Variants in UQCRC2 observed in about 807,000 individuals in gnomAD.
UQCRC2 encodes the protein ubiquinol-cytochrome c reductase core protein 2, also known as cytochrome b-c1 complex subunit 2, mitochondrial.
In UQCRC2, 49 loss-of-function variants were observed where a neutral mutation model predicts 55.6. That is an observed-to-expected ratio of 0.88 (90% CI 0.70 to 1.12). UQCRC2 has a LOEUF of 1.12. UQCRC2 is among the 50% of genes most tolerant of loss of function. The pLI, the probability that UQCRC2 is intolerant of heterozygous loss-of-function variation, is 0.00. For missense variants in UQCRC2, 506 were observed against 547.8 expected (o/e 0.92, Z 0.76); for synonymous variants, 193 against 192.0 (o/e 1.01, Z -0.04).
At chr16:21,967,023 A>G (rs1191353881) in intron 7 of UQCRC2, among the ~76,000 whole-genome samples, 1 of 152,162 alleles carries the variant, frequency 6.6e-6, no homozygotes, top group Admixed American at 6.5e-5. Context: ...TTTTTTTAAT[A>G]AAAGGTATGT....
intron 12 of UQCRC2, chr16:21,976,468 G>T: frequency 2.4e-6 from 1 of 417,470 alleles, no homozygotes; most frequent in Non-Finnish European, 4.3e-6. Flanking sequence ...AAGGCAGGTG[G>T]TTCATTTGAG....
chr16:21,976,462 C>A (rs1381614017), intron 12 of UQCRC2: 3 of 425,660 alleles, frequency 7.0e-6, no homozygotes, highest in Non-Finnish European at 1.3e-5. Flanking sequence ...GAGGCCAAGG[C>A]AGGTGGTTCA....
At position 21,962,239 on chromosome 16, in the gene UQCRC2, CAT is replaced by C. The variant is rs138409952; in HGVS notation, c.333-220_333-219del. The C allele has an allele frequency of 7.3e-4, 406 of 558,032 alleles. 1 individual carries two copies. The highest frequency in any genetic ancestry group is 6.7e-3 in the African/African-American group (358 of 53,144). The allele number at this position is 558,032 out of a possible 1,614,324, so 34.6% of individuals were successfully genotyped here. A position where few individuals can be genotyped will look rare whatever the true frequency, so the allele number is the denominator to read the frequency against. On this transcript the variant is annotated intron_variant, in intron 4 of 13. Coordinates refer to ENST00000268379, the MANE Select transcript of UQCRC2 (RefSeq NM_003366.4). ...TCCTCAGGGTTCATCTGTGTTGTAA[CAT>C]GTGACCAGATTTCACTCCTTTTAAG...
Position 21,976,173 on chromosome 16 carries a change from A to G in UQCRC2, c.1054A>G (p.Lys352Glu). ...CTTTTCTTATCTGTCCTAGGTTATC[A>G]AGGCTGCCTATAATCAAGTAAAAAC... ...SQATAAGDVI[K>E]AAYNQVKTIA... is the part of the protein sequence containing the mutation. The change falls in exon 12 of 14, where the codon AAG (lysine) becomes GAG (glutamate). Residue 352 changes from lysine to glutamate, a missense_variant. Transcript: ENST00000268379. The G allele has an allele frequency of 3.1e-6, 5 of 1,613,840 alleles. No homozygotes were observed. The highest frequency in any genetic ancestry group is 3.4e-6 in the Non-Finnish European group (4 of 1,179,772).
In UQCRC2 at chr16:21,962,743, T is replaced by C. The variant is rs372624514; in HGVS notation, c.390-18T>C. Reference sequence around the variant, plus strand: ...TTACATTTTTGACTCATAATTCTTATCTCGATGTCTTCTGTAGTGATATTC... The same window carrying C: ...TTACATTTTTGACTCATAATTCTTACCTCGATGTCTTCTGTAGTGATATTC... On this transcript the variant is annotated intron_variant, in intron 5 of 13. Coordinates refer to ENST00000268379, the MANE Select transcript of UQCRC2 (RefSeq NM_003366.4). The C allele has an allele frequency of 6.2e-7, 1 of 1,613,974 alleles. No homozygotes were observed. Among genetic ancestry groups the C allele is most frequent in the Non-Finnish European group, 8.5e-7 (1 of 1,179,914 alleles).
chr16:21,969,449 T>C (rs1440879434), intron 8 of UQCRC2, among the ~76,000 whole-genome samples: 1 of 152,152 alleles, frequency 6.6e-6, no homozygotes, highest in African/African-American at 2.4e-5. Flanking sequence ...GGAGAATCGC[T>C]TGAACCCAGG....
chr16:21,961,203 TGATACAACCACTTAGGAAAGAATCAAG>T (rs1054613053), intron 4 of UQCRC2: 1 of 283,282 alleles, frequency 3.5e-6, no homozygotes, highest in African/African-American at 2.2e-5. Flanking sequence ...GAGTATAAAT[TGATACAACCACTTAGGAAAGAATCAAG>T]GAATATCTGG....
At chr16:21,982,352 G>T (rs540764022) in intron 13 of UQCRC2, among the ~76,000 whole-genome samples, 3 of 152,228 alleles carry the variant, frequency 2.0e-5, no homozygotes, top group African/African-American at 7.2e-5. Flanking sequence ...GAATCCTCTA[G>T]GGTATCAAGT....
chr16:21,959,334 G>A (rs535104000), intron 4 of UQCRC2: 7 of 239,954 alleles, frequency 2.9e-5, no homozygotes, highest in East Asian at 1.4e-4. Context: ...TTATCATTTC[G>A]ACAGTGTTCA....
At chr16:21,975,947 T>G (rs948533652) in intron 11 of UQCRC2, among the ~76,000 whole-genome samples, 4 of 152,118 alleles carry the variant, frequency 2.6e-5, no homozygotes, top group Admixed American at 2.6e-4. Flanking sequence ...AGTCCCAGCT[T>G]CTTGGGAGGC....
intron 4 of UQCRC2, chr16:21,962,206 G>A (rs1567470936): frequency 1.7e-5 from 8 of 476,310 alleles, no homozygotes; most frequent in Admixed American, 6.6e-5. Flanking sequence ...ATTATCCTTA[G>A]CATAATGTCC....
intron 11 of UQCRC2, 48 bp downstream of exon 11, chr16:21,974,024 C>T (rs902421697): frequency 1.4e-5 from 20 of 1,465,724 alleles, no homozygotes; most frequent in Middle Eastern, 1.7e-4. Context: ...GTTATTTCTC[C>T]CCCCCGCCAT....
At chr16:21,975,671 A>C (rs1395061029) in intron 11 of UQCRC2, among the ~76,000 whole-genome samples, 1 of 152,190 alleles carries the variant, frequency 6.6e-6, no homozygotes, top group African/African-American at 2.4e-5. Flanking sequence ...CAAGCCTTAC[A>C]AATTGGCTGT....
intron 10 of UQCRC2, 33 bp downstream of exon 10, chr16:21,972,155 C>T: frequency 6.3e-7 from 1 of 1,586,126 alleles, no homozygotes; most frequent in South Asian, 1.1e-5. Context: ...TCTCTTTTTG[C>T]TTTCAAAGGC....
At chr16:21,976,755 T>A (rs1898595755) in intron 12 of UQCRC2, 1 of 152,240 alleles carries the variant, frequency 6.6e-6, no homozygotes, top group Non-Finnish European at 1.5e-5. Context: ...CTGTATACTT[T>A]TTTATCTTAT....
At chr16:21,971,116 G>A (rs573154524) in intron 8 of UQCRC2, among the ~76,000 whole-genome samples, 4 of 152,058 alleles carry the variant, frequency 2.6e-5, no homozygotes, top group Non-Finnish European at 5.9e-5. Flanking sequence ...ACATGCTAGC[G>A]TCCATTAGGA....
chr16:21,962,384 T>C, intron 4 of UQCRC2, 76 bp from the exon 5 acceptor site: 1 of 1,535,806 alleles, frequency 6.5e-7, no homozygotes, highest in South Asian at 1.1e-5. Flanking sequence ...CCAAAGGAAT[T>C]GGTTGATAGA....
chr16:21,955,043 A>G (rs2965805), intron 1 of UQCRC2, among the ~76,000 whole-genome samples: 10,914 of 127,716 alleles, frequency 0.085, 603 homozygotes, highest in South Asian at 0.28. Context: ...CGACAGAGCG[A>G]GACTCCGTCT....
chr16:21,953,930 A>AT (rs60923488), intron 1 of UQCRC2, among the ~76,000 whole-genome samples: 1 of 152,182 alleles, frequency 6.6e-6, no homozygotes, highest in Non-Finnish European at 1.5e-5. Context: ...CTGGAACTTC[A>AT]TTGTTAAATA....
Sources: gnomAD v4.1 joint callset for allele counts (sites outside exome capture counted in the v4.1 genomes callset) on GRCh38, gnomAD v4.1.1 for gene constraint, MANE v1.5 for transcripts, NCBI Gene and HGNC (gene_info 2026-07-23, HGNC 2026-07-21) for gene names.